The following PCLO variants were observed in gnomAD, a reference collection of about 807,000 sequenced individuals.
PCLO encodes the protein protein piccolo.
PCLO carries 82 observed loss-of-function variants against 427.5 expected under a neutral mutation model. The ratio of observed to expected loss-of-function variants is 0.19; its 90% CI spans 0.16 to 0.23. The LOEUF (loss-of-function observed/expected upper bound fraction) is 0.23, where lower values mean the gene tolerates loss of function less well. Ranked by LOEUF, PCLO falls within the 10% of genes least tolerant of loss-of-function variation. The pLI is 1.00. For missense variants in PCLO, 6,239 were observed against 6,115.9 expected (o/e 1.02, Z -0.67); for synonymous variants, 2,357 against 2,155.4 (o/e 1.09, Z -2.59).
intron 3 of PCLO, among the ~76,000 whole-genome samples, chr7:83,043,429 T>C (rs2116221765): frequency 6.6e-6 from 1 of 152,332 alleles, no homozygotes; most frequent in East Asian, 1.9e-4. Flanking sequence ...CATAAGCTCA[T>C]TTGAAATGAC....
Position 82,952,166 on chromosome 7 carries a change from G to C in PCLO, c.8787C>G (p.Pro2929=), listed in dbSNP as rs773529797. 2.7e-6 allele frequency: 4 copies of C among 1,468,590 alleles called. No individual in the cohort carries two copies. Among genetic ancestry groups the C allele is most frequent in the South Asian group, 2.3e-5 (2 of 86,392 alleles). The allele number at this position is 1,468,590 out of a possible 1,614,324, so 91.0% of individuals were successfully genotyped here. Residue 2929 remains proline, a synonymous_variant, in exon 5 of 25, where the codon CCC becomes CCG. Coordinates refer to ENST00000333891, the MANE Select transcript of PCLO (RefSeq NM_033026.6). ...CTCTTCTCCCTGCGGTTAAATCAACGGGTTTTTCATCTTCTATTATTTTGG... is the reference window on the plus strand; with the variant it reads ...CTCTTCTCCCTGCGGTTAAATCAACCGGTTTTTCATCTTCTATTATTTTGG... The part of the protein sequence containing the change: ...VMTKIIEDEK[P]VDLTAGRRAV...
At chr7:83,101,811 C>G (rs760394586) in intron 3 of PCLO, among the ~76,000 whole-genome samples, 2 of 152,098 alleles carry the variant, frequency 1.3e-5, no homozygotes, top group Non-Finnish European at 2.9e-5. Flanking sequence ...TCAGAATCAT[C>G]CTCTCCAGAG....
chr7:82,929,882 T>C (rs1794800139), intron 6 of PCLO, among the ~76,000 whole-genome samples: 1 of 152,198 alleles, frequency 6.6e-6, no homozygotes, highest in South Asian at 2.1e-4. Context: ...TGTCCATCCG[T>C]CTAATAAATA....
At chr7:83,015,364 C>T (rs1388729316) in intron 3 of PCLO, among the ~76,000 whole-genome samples, 2 of 151,444 alleles carry the variant, frequency 1.3e-5, no homozygotes, top group Non-Finnish European at 1.5e-5. Context: ...AGTGACCAGT[C>T]AGCCTCCTAG....
intron 22 of PCLO, among the ~76,000 whole-genome samples, chr7:82,791,196 A>G (rs1457212977): frequency 6.8e-6 from 1 of 147,362 alleles, no homozygotes; most frequent in Non-Finnish European, 1.5e-5. Context: ...TGTTGTTGTT[A>G]TTGTTATTAA....
chr7:82,834,973 T>C (rs1191916352), intron 16 of PCLO, among the ~76,000 whole-genome samples: 1 of 151,854 alleles, frequency 6.6e-6, no homozygotes, highest in Non-Finnish European at 1.5e-5. Flanking sequence ...TGTTTGTTTG[T>C]TTGTTTGTTT....
chr7:82,916,031 G>C lies in PCLO; in HGVS notation c.11955C>G (p.Pro3985=). The C allele has an allele frequency of 6.2e-7, 1 of 1,612,848 alleles. No individual in the cohort carries two copies. Among genetic ancestry groups the C allele is most frequent in the Non-Finnish European group, 8.5e-7 (1 of 1,179,766 alleles). ...CCGTAGAAACAGGTGCTATCATAAG[G>C]GGTTGGTTGCGAATCACTTCATAGT... is the stretch of plus-strand genomic sequence containing the variant. The part of the protein sequence containing the change: ...TSNYEVIRNQ[P]LMIAPVSTDN... Residue 3985 remains proline, a synonymous_variant, in exon 7 of 25, where the codon CCC becomes CCG. Transcript: ENST00000333891.
At chr7:82,782,166 G>A (rs939372667) in intron 22 of PCLO, among the ~76,000 whole-genome samples, 1 of 152,144 alleles carries the variant, frequency 6.6e-6, no homozygotes, top group Non-Finnish European at 1.5e-5. Flanking sequence ...TGTGGGTTCT[G>A]ACACTAGCTC....
intron 18 of PCLO, among the ~76,000 whole-genome samples, chr7:82,825,543 T>A (rs1018646030): frequency 2.6e-5 from 4 of 151,432 alleles, no homozygotes; most frequent in Non-Finnish European, 5.9e-5. Flanking sequence ...AGGTTTTGGA[T>A]TTTTTGGAGA....
At chr7:82,839,111 T>C (rs935804795) in intron 14 of PCLO, among the ~76,000 whole-genome samples, 7 of 152,054 alleles carry the variant, frequency 4.6e-5, no homozygotes, top group Admixed American at 1.3e-4. Context: ...TGAAAGACTC[T>C]TTTGGCATCA....
chr7:83,046,475 G>T (rs988869491), intron 3 of PCLO, among the ~76,000 whole-genome samples: 4 of 152,092 alleles, frequency 2.6e-5, no homozygotes, highest in Non-Finnish European at 5.9e-5. Flanking sequence ...AAGAATTCTA[G>T]TTCCCCAGAA....
At chr7:83,162,288 T>C (rs1226216481) in intron 1 of PCLO, 57 bp downstream of exon 1, 9 of 1,514,700 alleles carry the variant, frequency 5.9e-6, no homozygotes, top group East Asian at 2.4e-5. Flanking sequence ...GGCTGGCACA[T>C]ATGTGCACGG....
chr7:82,933,567 T>G (rs1010935375), intron 6 of PCLO, among the ~76,000 whole-genome samples: 2 of 151,666 alleles, frequency 1.3e-5, no homozygotes, highest in African/African-American at 4.8e-5. Flanking sequence ...AGTGGTCCAG[T>G]CCATTTTTTT....
chr7:82,893,373 T>G (rs1245077731), intron 9 of PCLO, among the ~76,000 whole-genome samples: 1 of 151,710 alleles, frequency 6.6e-6, no homozygotes, highest in Non-Finnish European at 1.5e-5. Context: ...AACTGAACAA[T>G]GAGAACACAT....
intron 3 of PCLO, among the ~76,000 whole-genome samples, chr7:83,076,281 T>A (rs1436719781): frequency 6.6e-6 from 1 of 152,238 alleles, no homozygotes. Flanking sequence ...CACTTCTTTT[T>A]TTTTTTGAGA....
chr7:82,790,471 C>A (rs1168656988), intron 22 of PCLO, among the ~76,000 whole-genome samples: 3 of 152,140 alleles, frequency 2.0e-5, no homozygotes, highest in South Asian at 2.1e-4. Flanking sequence ...TATTGGAATC[C>A]TTGCCAGCAT....
At chr7:83,118,009 G>A (rs1308488131) in intron 3 of PCLO, among the ~76,000 whole-genome samples, 2 of 152,126 alleles carry the variant, frequency 1.3e-5, no homozygotes, top group African/African-American at 4.8e-5. Context: ...CATAAACTGT[G>A]TTTTAATAGA....
intron 3 of PCLO, among the ~76,000 whole-genome samples, chr7:83,113,215 C>T (rs1297486223): frequency 6.6e-6 from 1 of 152,174 alleles, no homozygotes; most frequent in East Asian, 1.9e-4. Flanking sequence ...AGAGGTTAAA[C>T]AATTTGTTCT....
intron 3 of PCLO, among the ~76,000 whole-genome samples, chr7:82,998,258 A>G (rs1787681690): frequency 6.6e-6 from 1 of 151,996 alleles, no homozygotes; most frequent in Admixed American, 6.6e-5. Flanking sequence ...TTTATCAGCA[A>G]GAAACCTACT....
Sources: gnomAD v4.1 joint callset for allele counts (sites outside exome capture counted in the v4.1 genomes callset) on GRCh38, gnomAD v4.1.1 for gene constraint, MANE v1.5 for transcripts, NCBI Gene and HGNC (gene_info 2026-07-23, HGNC 2026-07-21) for gene names.